Variants in CCDC91 observed in about 807,000 individuals in gnomAD.
The protein encoded by CCDC91 is coiled-coil domain containing 91, also known as coiled-coil domain-containing protein 91.
CCDC91 carries 48 observed loss-of-function variants against 63.2 expected under a neutral mutation model. That is an observed-to-expected ratio of 0.76 (90% CI 0.60 to 0.97). The LOEUF (loss-of-function observed/expected upper bound fraction) is 0.97, where lower values mean the gene tolerates loss of function less well. CCDC91 is among the 50% of genes least tolerant of loss of function. The pLI is 0.00. For synonymous variants in CCDC91, 167 were observed against 165.8 expected (o/e 1.01, Z -0.06); for missense variants, 500 against 494.6 (o/e 1.01, Z -0.10).
chr12:28,524,352 A>C (rs1286469223), intron 12 of CCDC91, among the ~76,000 whole-genome samples: 1 of 152,086 alleles, frequency 6.6e-6, no homozygotes, highest in Non-Finnish European at 1.5e-5. Context: ...GATTTTGTCA[A>C]ATGGCTCATG....
chr12:28,353,333 C>G (rs776498481), intron 6 of CCDC91, among the ~76,000 whole-genome samples: 17 of 152,184 alleles, frequency 1.1e-4, no homozygotes, highest in Admixed American at 5.9e-4. Flanking sequence ...GTATCACTTT[C>G]TTATCATTTG....
intron 6 of CCDC91, among the ~76,000 whole-genome samples, chr12:28,355,207 A>G (rs1436336890): frequency 2.0e-5 from 3 of 152,166 alleles, no homozygotes; most frequent in Non-Finnish European, 2.9e-5. Flanking sequence ...AAGATAAATA[A>G]TGATCTGAAT....
At chr12:28,493,470 G>C (rs1160965127) in intron 12 of CCDC91, among the ~76,000 whole-genome samples, 1 of 151,688 alleles carries the variant, frequency 6.6e-6, no homozygotes, top group Non-Finnish European at 1.5e-5. Flanking sequence ...TTGGTCACAT[G>C]TGTATATATG....
intron 1 of CCDC91, among the ~76,000 whole-genome samples, chr12:28,235,908 A>G (rs1233467957): frequency 5.3e-5 from 8 of 152,072 alleles, no homozygotes; most frequent in Non-Finnish European, 7.4e-5. Flanking sequence ...CTGTAATCAT[A>G]AAGGACAGAT....
chr12:28,436,562 C>T (rs1279661411), intron 8 of CCDC91, among the ~76,000 whole-genome samples: 2 of 151,732 alleles, frequency 1.3e-5, no homozygotes, highest in African/African-American at 4.8e-5. Flanking sequence ...ATTTTACCTA[C>T]ACTTATTACT....
chr12:28,338,159 G>A lies in CCDC91; in HGVS notation c.577-24279G>A, dbSNP rs190113326. Among the ~76,000 whole-genome samples, 12 of 152,064 alleles carry A rather than the reference G, an allele frequency of 7.9e-5. No individual in the cohort carries two copies. The East Asian group carries it at 1.9e-3, about 25-fold the overall frequency. ...TAATAAGCAAGCTGGAAAATGGTAG[G>A]ATATGGTCTTTTATATAGGGTGGTA... is the stretch of plus-strand genomic sequence containing the variant. On this transcript the variant is annotated intron_variant, in intron 6 of 12. Coordinates refer to ENST00000536442, the MANE Select transcript of CCDC91 (RefSeq NM_018318.5).
intron 12 of CCDC91, among the ~76,000 whole-genome samples, chr12:28,519,695 A>C (rs1448599460): frequency 1.3e-5 from 2 of 148,368 alleles, no homozygotes; most frequent in African/African-American, 2.5e-5. Flanking sequence ...CATTAGGTAT[A>C]TCTCCTAATG....
intron 7 of CCDC91, among the ~76,000 whole-genome samples, chr12:28,387,274 C>T (rs1037695790): frequency 6.6e-6 from 1 of 152,120 alleles, no homozygotes; most frequent in Non-Finnish European, 1.5e-5. Context: ...AGGACCAATG[C>T]TTAAACTCCT....
intron 7 of CCDC91, among the ~76,000 whole-genome samples, chr12:28,370,347 A>T (rs1352780006): frequency 1.3e-5 from 2 of 152,186 alleles, no homozygotes; most frequent in Non-Finnish European, 2.9e-5. Flanking sequence ...TCTCTAGGGC[A>T]GGGGCAAAAT....
chr12:28,367,159 ATTAT>A (rs1429253654), intron 7 of CCDC91, among the ~76,000 whole-genome samples: 10 of 152,248 alleles, frequency 6.6e-5, no homozygotes, highest in Admixed American at 1.3e-4. Flanking sequence ...CAGTTTTAGA[ATTAT>A]TTGTCAAGAA....
intron 3 of CCDC91, among the ~76,000 whole-genome samples, chr12:28,300,452 A>G (rs1173612295): frequency 7.9e-5 from 12 of 151,546 alleles, no homozygotes; most frequent in Admixed American, 7.9e-4. Context: ...CAAATAATAT[A>G]CCATCTTATT....
intron 8 of CCDC91, among the ~76,000 whole-genome samples, chr12:28,399,117 G>A (rs1303045599): frequency 6.6e-6 from 1 of 152,154 alleles, no homozygotes; most frequent in African/African-American, 2.4e-5. Context: ...AGGTTTATTA[G>A]TCTGTTTTCA....
At chr12:28,247,479 C>CA (rs71039885) in intron 1 of CCDC91, among the ~76,000 whole-genome samples, 333 of 91,566 alleles carry the variant, frequency 3.6e-3, no homozygotes, top group East Asian at 7.7e-3. Context: ...GACTCCGTCT[C>CA]AAAAAAAAAA....
intron 3 of CCDC91, among the ~76,000 whole-genome samples, chr12:28,267,884 T>A (rs1367633096): frequency 2.5e-5 from 2 of 80,534 alleles, no homozygotes; most frequent in Non-Finnish European, 2.3e-5. Context: ...TATATATAAT[T>A]ATTATAATTA....
At position 28,545,608 on chromosome 12, in the gene CCDC91, C is replaced by A. The variant is rs537723490; in HGVS notation, c.1216-3455C>A. 7.9e-5 allele frequency among the ~76,000 whole-genome samples: 12 copies of A among 152,124 alleles called. 1 individual carries two copies. The highest frequency in any genetic ancestry group is 6.6e-4 in the Admixed American group (10 of 15,246). Reference sequence around the variant, plus strand: ...TGTTTATTTAAAGGATTCTTACTTTCAGAGTGCTCTGGGGAGGGAGTGGTA... The same window carrying A: ...TGTTTATTTAAAGGATTCTTACTTTAAGAGTGCTCTGGGGAGGGAGTGGTA... On this transcript the variant is annotated intron_variant, in intron 12 of 12. Coordinates refer to ENST00000536442, the MANE Select transcript of CCDC91 (RefSeq NM_018318.5).
chr12:28,223,188 C>T (rs1944059449), intron 1 of CCDC91, among the ~76,000 whole-genome samples: 1 of 152,122 alleles, frequency 6.6e-6, no homozygotes, highest in Non-Finnish European at 1.5e-5. Context: ...ACTTGCAGCT[C>T]TTGCATGTTT....
At chr12:28,330,449 T>G (rs1406578326) in intron 6 of CCDC91, among the ~76,000 whole-genome samples, 1 of 152,024 alleles carries the variant, frequency 6.6e-6, no homozygotes, top group Non-Finnish European at 1.5e-5. Flanking sequence ...TGTCGCCCAC[T>G]TTTTGATGGG....
chr12:28,255,673 G>A (rs1197663405), intron 1 of CCDC91: 1 of 152,176 alleles, frequency 6.6e-6, no homozygotes, highest in South Asian at 2.1e-4. Flanking sequence ...GTGAGTAATG[G>A]TAATGATACC....
At chr12:28,339,898 A>T (rs1319765313) in intron 6 of CCDC91, among the ~76,000 whole-genome samples, 1 of 152,196 alleles carries the variant, frequency 6.6e-6, no homozygotes, top group East Asian at 1.9e-4. Context: ...ACAAGGATAA[A>T]CACAGTACTT....
Sources: allele counts gnomAD v4.1 joint callset (sites outside exome capture counted in the v4.1 genomes callset), GRCh38; gene constraint gnomAD v4.1.1; transcripts MANE v1.5; gene names NCBI Gene and HGNC (gene_info 2026-07-23, HGNC 2026-07-21).